Variants in SORBS2 observed in about 807,000 individuals in gnomAD.
The protein encoded by SORBS2 is sorbin and SH3 domain-containing protein 2.
In SORBS2, 46 loss-of-function variants were observed where a neutral mutation model predicts 97.7. The ratio of observed to expected loss-of-function variants is 0.47; its 90% CI spans 0.37 to 0.60. SORBS2 has a LOEUF of 0.60. Among genes scored for constraint, SORBS2 ranks in the 20% least tolerant of loss-of-function variants. The pLI, the probability that SORBS2 is intolerant of heterozygous loss-of-function variation, is 0.00. For missense variants in SORBS2, 1,316 were observed against 1,282.3 expected (o/e 1.03, Z -0.40); for synonymous variants, 476 against 473.4 (o/e 1.01, Z -0.07).
chr4:185,736,572 C>T (rs1270557392), intron 2 of SORBS2, among the ~76,000 whole-genome samples: 2 of 152,178 alleles, frequency 1.3e-5, no homozygotes, highest in Non-Finnish European at 2.9e-5. Context: ...GACACAATAC[C>T]TTTCCTAAAT....
At chr4:185,644,197 C>T (rs2097173278) in intron 4 of SORBS2, among the ~76,000 whole-genome samples, 1 of 152,110 alleles carries the variant, frequency 6.6e-6, no homozygotes, top group Non-Finnish European at 1.5e-5. Context: ...TTCTATTTCT[C>T]CATAAGATAG....
At chr4:185,948,395 T>C (rs373429131) in intron 1 of SORBS2, among the ~76,000 whole-genome samples, 2 of 152,120 alleles carry the variant, frequency 1.3e-5, no homozygotes, top group East Asian at 3.8e-4. Flanking sequence ...TATCCATCTA[T>C]CTTTCTGTTC....
At chr4:185,622,764 C>T in intron 7 of SORBS2, 150 bp downstream of exon 19, 1 of 669,706 alleles carries the variant, frequency 1.5e-6, no homozygotes, top group South Asian at 2.2e-5. Context: ...TTCAGTAAGA[C>T]ATATTTGCAC....
At chr4:185,739,646 G>A (rs746038240) in intron 2 of SORBS2, among the ~76,000 whole-genome samples, 8 of 152,122 alleles carry the variant, frequency 5.3e-5, no homozygotes, top group Non-Finnish European at 1.0e-4. Flanking sequence ...AAGCTTCTTG[G>A]TTTCCAAATC....
At chr4:185,852,433 A>T (rs2099218420) in intron 1 of SORBS2, among the ~76,000 whole-genome samples, 1 of 152,202 alleles carries the variant, frequency 6.6e-6, no homozygotes, top group Non-Finnish European at 1.5e-5. Flanking sequence ...AAGGTCACCA[A>T]CCAAAAAATG....
At chr4:185,773,912 T>C (rs1011878195) in intron 2 of SORBS2, 2 of 152,078 alleles carry the variant, frequency 1.3e-5, no homozygotes, top group Non-Finnish European at 2.9e-5. Flanking sequence ...CAGCAGAAGT[T>C]TCACTCGTAA....
intron 1 of SORBS2, among the ~76,000 whole-genome samples, chr4:185,803,341 G>A (rs1434532797): frequency 1.3e-5 from 2 of 152,148 alleles, no homozygotes; most frequent in Non-Finnish European, 2.9e-5. Flanking sequence ...ACCGTTTTAA[G>A]GGTATGTTTT....
At chr4:185,674,150 A>G (rs540739445) in intron 4 of SORBS2, among the ~76,000 whole-genome samples, 2 of 152,286 alleles carry the variant, frequency 1.3e-5, no homozygotes, top group African/African-American at 4.8e-5. Context: ...TTACATCCAA[A>G]TGCTCACTTG....
intron 1 of SORBS2, among the ~76,000 whole-genome samples, chr4:185,805,342 C>T (rs2099148741): frequency 6.6e-6 from 1 of 152,050 alleles, no homozygotes; most frequent in African/African-American, 2.4e-5. Context: ...GTCACTTTAT[C>T]TGTAGATTCA....
intron 1 of SORBS2, among the ~76,000 whole-genome samples, chr4:185,954,659 T>C (rs1048205251): frequency 6.6e-6 from 1 of 152,194 alleles, no homozygotes; most frequent in Non-Finnish European, 1.5e-5. Flanking sequence ...ATGTTGGCTA[T>C]TAAAGATAGA....
At chr4:185,955,190 T>C (rs1446890920) in intron 1 of SORBS2, among the ~76,000 whole-genome samples, 1 of 152,180 alleles carries the variant, frequency 6.6e-6, no homozygotes, top group African/African-American at 2.4e-5. Context: ...GAGCACTCTT[T>C]GCATTCATTT....
intron 4 of SORBS2, 105 bp from the exon 8 acceptor site, chr4:185,662,347 G>A (rs1490351292): frequency 8.9e-7 from 1 of 1,129,396 alleles, no homozygotes; most frequent in Non-Finnish European, 1.3e-6. Context: ...AGAGTAATCA[G>A]CTGCCAAGCT....
chr4:185,827,921 C>T (rs1323642100), intron 1 of SORBS2, among the ~76,000 whole-genome samples: 3 of 147,814 alleles, frequency 2.0e-5, no homozygotes, highest in Non-Finnish European at 4.5e-5. Context: ...TCATCATCAT[C>T]ATCACCATCA....
chr4:185,601,436 G>A (rs2096259530), intron 12 of SORBS2, among the ~76,000 whole-genome samples: 1 of 151,760 alleles, frequency 6.6e-6, no homozygotes, highest in Admixed American at 6.6e-5. Flanking sequence ...TGTGAGAAGG[G>A]AACTACTCGA....
chr4:185,818,072 C>A (rs1461761302), intron 1 of SORBS2, among the ~76,000 whole-genome samples: 1 of 152,208 alleles, frequency 6.6e-6, no homozygotes, highest in Non-Finnish European at 1.5e-5. Flanking sequence ...AGTGACAGCA[C>A]GTGCAGGTAG....
intron 4 of SORBS2, 123 bp downstream of exon 7, chr4:185,678,300 C>T: frequency 2.2e-6 from 2 of 892,894 alleles, no homozygotes; most frequent in Non-Finnish European, 3.1e-6. Flanking sequence ...AAACTAAATA[C>T]AAAAGCAAAA....
chr4:185,779,466 A>AT (rs1403924953), intron 1 of SORBS2, among the ~76,000 whole-genome samples: 4 of 152,194 alleles, frequency 2.6e-5, no homozygotes, highest in African/African-American at 9.7e-5. Context: ...AAATTTAGTA[A>AT]TTTTTAAAAG....
intron 1 of SORBS2, among the ~76,000 whole-genome samples, chr4:185,860,626 A>C (rs1490879477): frequency 2.6e-5 from 4 of 152,228 alleles, no homozygotes; most frequent in African/African-American, 9.6e-5. Context: ...CATGTACCCA[A>C]GGTGGCTGGG....
intron 1 of SORBS2, among the ~76,000 whole-genome samples, chr4:185,844,631 A>ATCT (rs1263714296): frequency 6.6e-6 from 1 of 152,238 alleles, no homozygotes; most frequent in Non-Finnish European, 1.5e-5. Context: ...GTGAACACAG[A>ATCT]TCTTCAAACA....
Sources: allele counts gnomAD v4.1 joint callset (sites outside exome capture counted in the v4.1 genomes callset), GRCh38; gene constraint gnomAD v4.1.1; transcripts MANE v1.5; gene names NCBI Gene and HGNC (gene_info 2026-07-23, HGNC 2026-07-21).